TNFAIP8: variants seen among roughly 807,000 people sequenced by gnomAD.
TNFAIP8 encodes TNF alpha induced protein 8.
A neutral mutation model predicts 13.3 loss-of-function variants in TNFAIP8; 7 were observed. The observed-to-expected ratio is 0.52, with a 90% CI of 0.30 to 0.99. TNFAIP8 has a LOEUF of 0.99. Ranked by LOEUF, TNFAIP8 falls within the 50% of genes least tolerant of loss-of-function variation. TNFAIP8 has a pLI of 0.07. For synonymous variants in TNFAIP8, 94 were observed against 87.6 expected, an observed-to-expected ratio of 1.07 and a Z score of -0.41; for missense variants, 258 against 236.9, an observed-to-expected ratio of 1.09 and a Z score of -0.58.
rs917889896 is a variant in TNFAIP8 at position 119,398,764 on chromosome 5, C to G, written c.*5383C>G. 1.3e-5 allele frequency: 2 copies of G among 151,818 alleles called. No individual in the cohort carries two copies. The highest frequency in any genetic ancestry group is 2.9e-5 in the Non-Finnish European group (2 of 67,978). 9.4% of individuals were successfully genotyped at this position (151,818 alleles called of 1,614,324 possible). A position where few individuals can be genotyped will look rare whatever the true frequency, so the allele number is the denominator to read the frequency against. On this transcript the variant is annotated 3_prime_UTR_variant, in exon 2 of 2. Coordinates refer to ENST00000504771, the MANE Select transcript of TNFAIP8 (RefSeq NM_014350.4). ...TGATGTGAAGTTGAAACACAAGACG[C>G]GGAAATAAAAACTCAGAGTATAAAT...
intron 1 of TNFAIP8, among the ~76,000 whole-genome samples, chr5:119,290,351 C>A (rs766077968): frequency 1.4e-4 from 21 of 152,216 alleles, no homozygotes; most frequent in Non-Finnish European, 2.2e-4. Flanking sequence ...TCTGAACATT[C>A]TCTGCGGCTG....
At chr5:119,297,492 C>A (rs1479849979) in intron 1 of TNFAIP8, among the ~76,000 whole-genome samples, 3 of 152,040 alleles carry the variant, frequency 2.0e-5, no homozygotes, top group African/African-American at 7.2e-5. Flanking sequence ...AATTTCTGTT[C>A]TTTTACATTT....
chr5:119,354,120 T>C (rs1298049167), upstream of TNFAIP8, among the ~76,000 whole-genome samples: 1 of 152,188 alleles, frequency 6.6e-6, no homozygotes, highest in Non-Finnish European at 1.5e-5. Context: ...AGAATCATCC[T>C]CATCTCAGTG....
intron 1 of TNFAIP8, among the ~76,000 whole-genome samples, chr5:119,300,636 G>GT (rs995502395): frequency 6.6e-6 from 1 of 152,154 alleles, no homozygotes; most frequent in Non-Finnish European, 1.5e-5. Flanking sequence ...TAAAAAGGTA[G>GT]TTTTTTGTTC....
At chr5:119,306,408 A>G (rs1028710114) in intron 1 of TNFAIP8, 9 of 146,070 alleles carry the variant, frequency 6.2e-5, no homozygotes, top group African/African-American at 2.1e-4. Context: ...CAATCCCACT[A>G]CTGATCAGCA....
intron 1 of TNFAIP8, among the ~76,000 whole-genome samples, chr5:119,310,823 CCAATCAAT>C (rs60315927): frequency 5.9e-5 from 9 of 151,798 alleles, no homozygotes; most frequent in East Asian, 1.9e-4. Context: ...CGAGACTCCA[CCAATCAAT>C]CAATCAATCA....
At chr5:119,355,796 C>T, upstream of TNFAIP8, 1 of 548,638 alleles carries the variant, frequency 1.8e-6, no homozygotes, top group Non-Finnish European at 2.4e-6. Flanking sequence ...CACCTGCGTG[C>T]GCCCGGGCCG....
upstream of TNFAIP8, chr5:119,356,018 T>G (rs1435843778): frequency 1.3e-6 from 2 of 1,543,370 alleles, no homozygotes; most frequent in African/African-American, 1.4e-5. Context: ...CGGATTTCGC[T>G]GCAGAGCGAA....
At chr5:119,310,192 G>A (rs1033388608) in intron 1 of TNFAIP8, among the ~76,000 whole-genome samples, 3 of 152,202 alleles carry the variant, frequency 2.0e-5, no homozygotes, top group African/African-American at 7.2e-5. Context: ...CTGATGTAGA[G>A]GTTAGGAAAC....
chr5:119,376,565 C>T (rs541993193), intron 1 of TNFAIP8, among the ~76,000 whole-genome samples: 1 of 149,986 alleles, frequency 6.7e-6, no homozygotes, highest in Non-Finnish European at 1.5e-5. Flanking sequence ...TCTTCCCACC[C>T]CCCCCGTCTT....
At chr5:119,269,666 T>C (rs2150796705) in intron 1 of TNFAIP8, among the ~76,000 whole-genome samples, 1 of 152,292 alleles carries the variant, frequency 6.6e-6, no homozygotes, top group South Asian at 2.1e-4. Flanking sequence ...ACACAGAAGC[T>C]CTAAGTAGAA....
chr5:119,285,706 A>C (rs182773551), intron 1 of TNFAIP8, among the ~76,000 whole-genome samples: 2 of 152,352 alleles, frequency 1.3e-5, no homozygotes, highest in Non-Finnish European at 2.9e-5. Context: ...CCACAAGTGA[A>C]TTAATTTTGA....
intron 1 of TNFAIP8, among the ~76,000 whole-genome samples, chr5:119,283,366 C>G (rs1460788119): frequency 2.0e-5 from 3 of 152,118 alleles, no homozygotes; most frequent in Non-Finnish European, 4.4e-5. Flanking sequence ...GGCATAGTGG[C>G]CCAAACCTGA....
chr5:119,382,775 C>T (rs1408843325), intron 1 of TNFAIP8, among the ~76,000 whole-genome samples: 3 of 152,176 alleles, frequency 2.0e-5, no homozygotes, highest in African/African-American at 4.8e-5. Flanking sequence ...ACTCTAGAGC[C>T]GGTGCTTGCA....
chr5:119,341,748 G>T (rs1005063048), intron 1 of TNFAIP8, among the ~76,000 whole-genome samples: 1 of 152,102 alleles, frequency 6.6e-6, no homozygotes, highest in Non-Finnish European at 1.5e-5. Flanking sequence ...TCTGTTTAGA[G>T]AAGTAGAGAT....
intron 1 of TNFAIP8, among the ~76,000 whole-genome samples, chr5:119,279,919 C>T (rs1748576702): frequency 6.6e-6 from 1 of 152,120 alleles, no homozygotes; most frequent in African/African-American, 2.4e-5. Context: ...TCGTAAGATG[C>T]TGGTTCCTGT....
intron 1 of TNFAIP8, among the ~76,000 whole-genome samples, chr5:119,286,547 G>A (rs866743831): frequency 1.3e-5 from 2 of 151,720 alleles, no homozygotes; most frequent in South Asian, 4.2e-4. Flanking sequence ...GCGAGAACCC[G>A]GGAGGCAGAG....
At chr5:119,344,665 A>G (rs1024461611) in intron 1 of TNFAIP8, among the ~76,000 whole-genome samples, 14 of 152,172 alleles carry the variant, frequency 9.2e-5, no homozygotes, top group African/African-American at 3.1e-4. Context: ...AAAATCTGTT[A>G]GGCAACGCTA....
chr5:119,269,507 G>A (rs969432267), intron 1 of TNFAIP8, among the ~76,000 whole-genome samples: 1 of 152,198 alleles, frequency 6.6e-6, no homozygotes, highest in Non-Finnish European at 1.5e-5. Flanking sequence ...AGCACCTGCT[G>A]CAAAGACACC....
Sources: allele counts gnomAD v4.1 joint callset (sites outside exome capture counted in the v4.1 genomes callset), GRCh38; gene constraint gnomAD v4.1.1; transcripts MANE v1.5; gene names NCBI Gene and HGNC (gene_info 2026-07-23, HGNC 2026-07-21).